HECTD4: variants seen among roughly 807,000 people sequenced by gnomAD.
HECTD4 encodes probable E3 ubiquitin-protein ligase HECTD4.
Under a neutral mutation model 471.5 loss-of-function variants are expected in HECTD4, and 114 were observed. The observed-to-expected ratio is 0.24, with a 90% confidence interval of 0.21 to 0.28. The LOEUF is 0.28. Ranked by LOEUF, HECTD4 falls within the 10% of genes least tolerant of loss-of-function variation. The probability of loss-of-function intolerance (pLI) is 1.00; values close to 1 mark genes in which losing one functional copy is unlikely to be tolerated. For synonymous variants in HECTD4, 2,012 were observed against 2,256.0 expected, an observed-to-expected ratio of 0.89 and a Z score of 3.07; for missense variants, 3,866 against 5,651.5, an observed-to-expected ratio of 0.68 and a Z score of 10.13.
At chr12:112,324,320 ACATT>A (rs1342540155) in intron 1 of HECTD4, among the ~76,000 whole-genome samples, 13 of 150,826 alleles carry the variant, frequency 8.6e-5, no homozygotes, top group Non-Finnish European at 1.5e-5. Context: ...GGGTCTCCCT[ACATT>A]GCCCAGGCTA....
chr12:112,174,456 G>A (rs993777333), intron 66 of HECTD4, among the ~76,000 whole-genome samples: 4 of 149,794 alleles, frequency 2.7e-5, no homozygotes, highest in African/African-American at 7.4e-5. Context: ...GTTTCACCAC[G>A]TTGATCAGGT....
chr12:112,324,690 C>T (rs2035705710), intron 1 of HECTD4, among the ~76,000 whole-genome samples: 1 of 151,968 alleles, frequency 6.6e-6, no homozygotes, highest in Non-Finnish European at 1.5e-5. Context: ...AGTGCTATTA[C>T]CCCCAAAAAT....
Position 112,203,669 on chromosome 12 carries a change from A to C in HECTD4, c.8373T>G (p.Phe2791Leu). The change falls in exon 54 of 76, where the codon TTT becomes TTG. Residue 2791 changes from phenylalanine to leucine, a missense_variant. By Grantham distance (22) the Phe-to-Leu change is conservative. Transcript: ENST00000682272. ...CATCTAAGACGACTCCATGAAGCCC[A>C]AAGGTTTTCAGCATCCCTCGGATGG... ...KFAIRGMLKTFGLHGVVLDVD... is the reference protein window; with the variant it reads ...KFAIRGMLKTLGLHGVVLDVD... The C allele has an allele frequency of 6.2e-7, 1 of 1,613,604 alleles. No homozygotes were observed. Among genetic ancestry groups the C allele is most frequent in the Non-Finnish European group, 8.5e-7 (1 of 1,179,724 alleles).
intron 1 of HECTD4, among the ~76,000 whole-genome samples, chr12:112,349,873 C>G (rs1346660227): frequency 1.3e-5 from 2 of 152,124 alleles, no homozygotes; most frequent in Non-Finnish European, 2.9e-5. Context: ...ATAAAACAGA[C>G]TGGGAACACA....
intron 7 of HECTD4, among the ~76,000 whole-genome samples, chr12:112,286,645 T>C (rs1467724543): frequency 2.0e-5 from 3 of 151,860 alleles, no homozygotes; most frequent in Non-Finnish European, 4.4e-5. Flanking sequence ...TGAACCATGA[T>C]TGCACCACTG....
intron 49 of HECTD4, 106 bp downstream of exon 49, chr12:112,212,381 A>C: frequency 1.1e-6 from 1 of 879,202 alleles, no homozygotes; most frequent in South Asian, 1.6e-5. Context: ...TTGTGTACCA[A>C]TATTATGTAC....
intron 11 of HECTD4, among the ~76,000 whole-genome samples, chr12:112,272,409 CT>C (rs774574397): frequency 2.0e-4 from 31 of 152,158 alleles, no homozygotes; most frequent in South Asian, 4.1e-4. Context: ...GGGTTCACCC[CT>C]ATCTGTATTC....
intron 7 of HECTD4, among the ~76,000 whole-genome samples, chr12:112,291,734 T>C (rs983627239): frequency 1.2e-4 from 18 of 152,172 alleles, no homozygotes; most frequent in African/African-American, 4.1e-4. Context: ...CAGCCAGGCG[T>C]GGTGGTGGGC....
At chr12:112,182,243 A>G (rs2031701717) in intron 62 of HECTD4, among the ~76,000 whole-genome samples, 1 of 152,088 alleles carries the variant, frequency 6.6e-6, no homozygotes, top group African/African-American at 2.4e-5. Flanking sequence ...AGGCTGGAGG[A>G]CTGCTTGAGC....
chr12:112,316,519 T>C (rs907425856), intron 2 of HECTD4, among the ~76,000 whole-genome samples: 2 of 151,984 alleles, frequency 1.3e-5, no homozygotes, highest in African/African-American at 2.4e-5. Context: ...ACCAAGAGAA[T>C]GCCTTCCGTG....
At chr12:112,349,664 C>T (rs1475775143) in intron 1 of HECTD4, among the ~76,000 whole-genome samples, 1 of 151,838 alleles carries the variant, frequency 6.6e-6, no homozygotes, top group Non-Finnish European at 1.5e-5. Flanking sequence ...GCACAGAATG[C>T]AACTACGGCA....
rs186206701 is a variant in HECTD4 at position 112,230,059 on chromosome 12, C to G, written c.6337-179G>C. ...CATCTGCCCATATTTGTCTATGTAA[C>G]TGGACAAAATTGGAAATACACAACT... On this transcript the variant is annotated intron_variant, in intron 40 of 75. Transcript: ENST00000682272. 4.1e-3 allele frequency among the ~76,000 whole-genome samples: 618 copies of G among 152,220 alleles called. 6 individuals are homozygous for G. Among genetic ancestry groups the G allele is most frequent in the African/African-American group, 0.014 (571 of 41,520 alleles).
At position 112,171,006 on chromosome 12, in the gene HECTD4, T is replaced by C; in HGVS notation, c.11932+111A>G. ...TGCTACATGAAAGGTTGAGGTGGGG[T>C]GGCATCTTCCTGGCGGGGCTGCCCA... On this transcript the variant is annotated intron_variant, in intron 68 of 75. Coordinates refer to ENST00000682272, the MANE Select transcript of HECTD4 (RefSeq NM_001388303.1). 6 of 835,962 alleles carry C rather than the reference T, an allele frequency of 7.2e-6. No individual in the cohort carries two copies. The South Asian group carries it at 7.6e-5, about 11-fold the overall frequency. The allele number at this position is 835,962 out of a possible 1,614,324, so 51.8% of individuals were successfully genotyped here. A position where few individuals can be genotyped will look rare whatever the true frequency, so the allele number is the denominator to read the frequency against.
At chr12:112,196,703 G>A (rs2032254715) in intron 55 of HECTD4, among the ~76,000 whole-genome samples, 1 of 152,062 alleles carries the variant, frequency 6.6e-6, no homozygotes, top group Non-Finnish European at 1.5e-5. Flanking sequence ...CAATCTTCCA[G>A]CTTTAGCCTC....
intron 53 of HECTD4, 91 bp downstream of exon 53, chr12:112,204,395 G>C: frequency 1.6e-6 from 2 of 1,255,594 alleles, no homozygotes; most frequent in Non-Finnish European, 2.3e-6. Context: ...GTCACCCTAG[G>C]AGAACCACCA....
intron 7 of HECTD4, among the ~76,000 whole-genome samples, chr12:112,286,010 A>G (rs1279367351): frequency 6.6e-6 from 1 of 152,220 alleles, no homozygotes; most frequent in Non-Finnish European, 1.5e-5. Flanking sequence ...GCCCTATGAG[A>G]AAATCAATAG....
chr12:112,315,493 T>A (rs1336940771), intron 2 of HECTD4, among the ~76,000 whole-genome samples: 3 of 152,094 alleles, frequency 2.0e-5, no homozygotes, highest in South Asian at 2.1e-4. Context: ...TAAAAACAAG[T>A]TGGAATCGGG....
chr12:112,229,138 C>A (rs1201822251), intron 41 of HECTD4, among the ~76,000 whole-genome samples: 4 of 152,012 alleles, frequency 2.6e-5, no homozygotes, highest in Admixed American at 1.3e-4. Flanking sequence ...ACCAGCCTGG[C>A]CAGCCTGATG....
At chr12:112,198,992 G>A (rs2032332225) in intron 55 of HECTD4, among the ~76,000 whole-genome samples, 1 of 152,202 alleles carries the variant, frequency 6.6e-6, no homozygotes, top group African/African-American at 2.4e-5. Context: ...AACTGGGCAT[G>A]CCTCTTGCTG....
Sources: gnomAD v4.1 joint callset for allele counts (sites outside exome capture counted in the v4.1 genomes callset) on GRCh38, gnomAD v4.1.1 for gene constraint, MANE v1.5 for transcripts, NCBI Gene and HGNC (gene_info 2026-07-23, HGNC 2026-07-21) for gene names.